Variants in DIAPH3 observed in about 807,000 individuals in gnomAD.
The protein encoded by DIAPH3 is diaphanous related formin 3.
In DIAPH3, 117 loss-of-function variants were observed where a neutral mutation model predicts 144.3. The ratio of observed to expected loss-of-function variants is 0.81; its 90% CI spans 0.70 to 0.95. The LOEUF is 0.95. Among genes scored for constraint, DIAPH3 ranks in the 40% least tolerant of loss-of-function variants. The probability of loss-of-function intolerance (pLI) is 0.00; values close to 1 mark genes in which losing one functional copy is unlikely to be tolerated. For missense variants in DIAPH3, 1,421 were observed against 1,412.7 expected (o/e 1.01, Z -0.09); for synonymous variants, 519 against 488.9 (o/e 1.06, Z -0.81).
chr13:60,154,987 T>C (rs1656100988), intron 1 of DIAPH3, among the ~76,000 whole-genome samples: 1 of 152,150 alleles, frequency 6.6e-6, no homozygotes, highest in Non-Finnish European at 1.5e-5. Flanking sequence ...TTACATTCTA[T>C]ATAAAAAGCC....
At chr13:59,948,634 T>C (rs977211785) in intron 17 of DIAPH3, among the ~76,000 whole-genome samples, 3 of 152,032 alleles carry the variant, frequency 2.0e-5, no homozygotes, top group Non-Finnish European at 4.4e-5. Flanking sequence ...TTCGTATATA[T>C]GTTGGGTGTT....
At chr13:59,795,006 A>G (rs1306817914) in intron 25 of DIAPH3, among the ~76,000 whole-genome samples, 1 of 152,222 alleles carries the variant, frequency 6.6e-6, no homozygotes, top group African/African-American at 2.4e-5. Flanking sequence ...AGGAAACAAA[A>G]TGGTTGTCTT....
intron 4 of DIAPH3, among the ~76,000 whole-genome samples, chr13:60,060,512 T>A (rs1307606706): frequency 6.6e-6 from 1 of 152,106 alleles, no homozygotes; most frequent in South Asian, 2.1e-4. Context: ...TACTCACCCA[T>A]AGTTTGCAGG....
chr13:59,831,849 C>G (rs1293680422), intron 24 of DIAPH3, among the ~76,000 whole-genome samples: 7 of 151,868 alleles, frequency 4.6e-5, no homozygotes, highest in African/African-American at 1.7e-4. Flanking sequence ...TATTGAGCAA[C>G]TACCATGTGC....
intron 16 of DIAPH3, 100 bp downstream of exon 16, chr13:59,970,752 T>C: frequency 9.5e-7 from 1 of 1,057,516 alleles, no homozygotes; most frequent in Non-Finnish European, 1.3e-6. Flanking sequence ...AATTAAATTA[T>C]GTAGGCATAA....
intron 17 of DIAPH3, among the ~76,000 whole-genome samples, chr13:59,934,314 A>G (rs903401709): frequency 2.6e-5 from 4 of 152,160 alleles, no homozygotes; most frequent in Non-Finnish European, 5.9e-5. Context: ...ATTAAATTTT[A>G]CATGTTAATG....
intron 13 of DIAPH3, 85 bp from the exon 14 acceptor site, chr13:59,980,944 T>A: frequency 2.6e-6 from 3 of 1,139,934 alleles, no homozygotes; most frequent in South Asian, 1.3e-5. Flanking sequence ...AAAAAGATCA[T>A]AGAAAATAAT....
At chr13:60,138,457 A>C (rs1406491004) in intron 1 of DIAPH3, among the ~76,000 whole-genome samples, 3 of 152,250 alleles carry the variant, frequency 2.0e-5, no homozygotes, top group East Asian at 1.9e-4. Flanking sequence ...ATAGATAAGA[A>C]GTACAAGAGT....
intron 27 of DIAPH3, among the ~76,000 whole-genome samples, chr13:59,731,551 C>A (rs1004201057): frequency 4.6e-5 from 7 of 152,150 alleles, no homozygotes; most frequent in African/African-American, 1.7e-4. Flanking sequence ...GACACCATAT[C>A]TACTTCTGTA....
chr13:59,964,172 C>CT (rs2140516232), intron 17 of DIAPH3, among the ~76,000 whole-genome samples: 1 of 152,140 alleles, frequency 6.6e-6, no homozygotes, highest in African/African-American at 2.4e-5. Context: ...GGGATGATAG[C>CT]TACGGACACA....
chr13:59,972,133 C>T (rs991508496), intron 15 of DIAPH3, among the ~76,000 whole-genome samples: 1 of 151,968 alleles, frequency 6.6e-6, no homozygotes, highest in East Asian at 1.9e-4. Context: ...GGAAGAAATG[C>T]GTAGGATAAA....
chr13:60,043,374 T>C (rs1487800830), intron 4 of DIAPH3, among the ~76,000 whole-genome samples: 2 of 152,112 alleles, frequency 1.3e-5, no homozygotes, highest in Non-Finnish European at 2.9e-5. Context: ...AGAAAGAACA[T>C]CTAACTTGGC....
At chr13:59,679,161 A>G (rs970794099) in intron 27 of DIAPH3, among the ~76,000 whole-genome samples, 1 of 152,212 alleles carries the variant, frequency 6.6e-6, no homozygotes, top group African/African-American at 2.4e-5. Flanking sequence ...CCTTTTAATG[A>G]GGAAAATAGT....
intron 25 of DIAPH3, among the ~76,000 whole-genome samples, chr13:59,796,127 C>T (rs377415849): frequency 3.4e-4 from 52 of 152,262 alleles, no homozygotes; most frequent in African/African-American, 1.1e-3. Context: ...GCTGTGCACA[C>T]ATCTGTGGGT....
intron 22 of DIAPH3, among the ~76,000 whole-genome samples, chr13:59,858,204 T>C (rs910263098): frequency 9.2e-5 from 14 of 152,126 alleles, no homozygotes; most frequent in Non-Finnish European, 1.9e-4. Flanking sequence ...GGGTTCACCA[T>C]TAGGCTAGTG....
intron 27 of DIAPH3, among the ~76,000 whole-genome samples, chr13:59,758,381 T>G (rs1438883618): frequency 6.6e-6 from 1 of 152,182 alleles, no homozygotes; most frequent in Non-Finnish European, 1.5e-5. Flanking sequence ...ATAAATGAAT[T>G]ACAGCTTCAT....
chr13:59,819,176 G>A (rs2040934674), intron 24 of DIAPH3, among the ~76,000 whole-genome samples: 1 of 151,818 alleles, frequency 6.6e-6, no homozygotes, highest in Admixed American at 6.6e-5. Context: ...TAAATAGCCA[G>A]GGATCATTTC....
chr13:59,729,921 T>C (rs1419982769), intron 27 of DIAPH3, among the ~76,000 whole-genome samples: 2 of 151,180 alleles, frequency 1.3e-5, no homozygotes, highest in Non-Finnish European at 2.9e-5. Context: ...AAGTGATCTT[T>C]CCACTTCAGC....
At chr13:59,668,953 G>A (rs1446736978) in intron 27 of DIAPH3, among the ~76,000 whole-genome samples, 2 of 151,998 alleles carry the variant, frequency 1.3e-5, no homozygotes, top group African/African-American at 4.8e-5. Context: ...AGATTGAGGG[G>A]TAAAAGCAAA....
Sources: allele counts gnomAD v4.1 joint callset (sites outside exome capture counted in the v4.1 genomes callset), GRCh38; gene constraint gnomAD v4.1.1; transcripts MANE v1.5; gene names NCBI Gene and HGNC (gene_info 2026-07-23, HGNC 2026-07-21).